Variants in CAST observed in about 807,000 individuals in gnomAD.
CAST encodes MIR583 host.
CAST carries 76 observed loss-of-function variants against 119.6 expected under a neutral mutation model. The observed-to-expected ratio is 0.64, with a 90% CI of 0.53 to 0.77. CAST has a LOEUF of 0.77. CAST is among the 30% of genes least tolerant of loss of function. The probability of loss-of-function intolerance (pLI) is 0.00; values close to 1 mark genes in which losing one functional copy is unlikely to be tolerated. For synonymous variants in CAST, 319 were observed against 331.6 expected (o/e 0.96, Z 0.41); for missense variants, 953 against 946.5 (o/e 1.01, Z -0.09).
intron 9 of CAST, among the ~76,000 whole-genome samples, chr5:96,733,727 A>T (rs1761055712): frequency 6.6e-6 from 1 of 152,200 alleles, no homozygotes; most frequent in Non-Finnish European, 1.5e-5. Context: ...AAAATAAAAA[A>T]TTAGCTGGGC....
intron 1 of CAST, among the ~76,000 whole-genome samples, chr5:96,649,892 C>T (rs768539767): frequency 3.9e-5 from 6 of 152,152 alleles, no homozygotes; most frequent in South Asian, 2.1e-4. Flanking sequence ...ACTGTAATGA[C>T]GGTAACACAA....
rs1746371485 is a variant in CAST, at chr5:96,561,796, G to GTTTTTTTTGT, written c.60+31924_60+31925insGTTTTTTTTT. ...GTGTATTATATATATGTTTTTTTTT[G>GTTTTTTTTGT]TTTTTTTTTTTTTTGAGACGGAGTC... On this transcript the variant is annotated intron_variant, in intron 1 of 11. Transcript: ENST00000505143. 1.8e-3 allele frequency among the ~76,000 whole-genome samples: 177 copies of GTTTTTTTTGT among 97,402 alleles called. 17 individuals are homozygous for GTTTTTTTTGT. The highest frequency in any genetic ancestry group is 6.0e-3 in the African/African-American group (157 of 26,030). 63.9% of individuals were successfully genotyped at this position (97,402 alleles called of 152,430 possible).
chr5:96,444,556 ATGCCAAAAT>A, the CAST span, among the ~76,000 whole-genome samples: 77 of 151,746 alleles, frequency 5.1e-4, no homozygotes, highest in African/African-American at 1.8e-3. Flanking sequence ...TTTTTTCTTT[ATGCCAAAAT>A]TTCTGAAAAT....
chr5:96,412,348 G>A, the CAST span: 2 of 1,614,072 alleles, frequency 1.2e-6, no homozygotes, highest in Non-Finnish European at 1.7e-6. Context: ...AAGCCTTCTG[G>A]GCTAGCCGGC....
rs5869724 is a variant in CAST, at chr5:96,533,024, CAA to C, written c.60+3156_60+3157del. On this transcript the variant is annotated intron_variant, in intron 1 of 11. Coordinates refer to the CAST transcript ENST00000505143. ...TGGGTGACAGAGGGAGACCTGGTCT[CAA>C]AAAAAAAAAAATAAAAATAAAAATA... Among the ~76,000 whole-genome samples the C allele has an allele frequency of 2.6e-3, 334 of 129,770 alleles. 1 individual carries two copies. Among genetic ancestry groups the C allele is most frequent in the Non-Finnish European group, 3.2e-3 (187 of 59,176 alleles). 85.1% of individuals were successfully genotyped at this position (129,770 alleles called of 152,430 possible). A position where few individuals can be genotyped will look rare whatever the true frequency, so the allele number is the denominator to read the frequency against.
chr5:96,662,460 G>A lies in CAST; in HGVS notation c.38G>A (p.Arg13Gln), dbSNP rs921224034. 7.0e-7 allele frequency: 1 copy of A among 1,435,650 alleles called. No homozygotes were observed. The highest frequency in any genetic ancestry group is 3.0e-5 in the East Asian group (1 of 32,974). 88.9% of individuals were successfully genotyped at this position (1,435,650 alleles called of 1,614,324 possible). A position where few individuals can be genotyped will look rare whatever the true frequency, so the allele number is the denominator to read the frequency against. Residue 13 changes from arginine to glutamine, a missense_variant, in exon 1 of 32, where the codon CGG becomes CAG. Physicochemically the swap from Arg to Gln is conservative, Grantham distance 43 (BLOSUM62 1). Coordinates refer to ENST00000675179, the MANE Select transcript of CAST (RefSeq NM_001750.7). ...GGCCAGAAGCCCGCCGCCTCCCCGC[G>A]GCCCCGGCGAGCAGCCGCCGCCCGC... is the stretch of plus-strand genomic sequence containing the variant. ...QPGQKPAASP[R>Q]PRRAAAARRT...
chr5:96,273,413 A>T, the CAST span, among the ~76,000 whole-genome samples: 2 of 152,340 alleles, frequency 1.3e-5, no homozygotes, highest in East Asian at 3.9e-4. Flanking sequence ...AGCAGGAGTC[A>T]GAGAAATAGA....
chr5:96,234,061 CA>C, the CAST span, among the ~76,000 whole-genome samples: 1 of 152,060 alleles, frequency 6.6e-6, no homozygotes, highest in African/African-American at 2.4e-5. Flanking sequence ...TGGGCACACA[CA>C]AACAAAGAAG....
At chr5:96,394,835 G>A in the CAST span, 1 of 1,610,450 alleles carries the variant, frequency 6.2e-7, no homozygotes, top group African/African-American at 1.3e-5. Context: ...GTTCAAAAGA[G>A]AGCATGCCAA....
the CAST span, among the ~76,000 whole-genome samples, chr5:95,984,921 C>A: frequency 7.2e-5 from 11 of 151,870 alleles, no homozygotes; most frequent in Admixed American, 1.3e-4. Context: ...AATATTAATG[C>A]TTTTATATTG....
At chr5:96,672,541 T>C (rs1750203660) in intron 1 of CAST, among the ~76,000 whole-genome samples, 1 of 151,970 alleles carries the variant, frequency 6.6e-6, no homozygotes, top group African/African-American at 2.4e-5. Flanking sequence ...ACCCCATCTC[T>C]ACTAAAAGTA....
the CAST span, among the ~76,000 whole-genome samples, chr5:96,250,688 C>T: frequency 1.3e-5 from 2 of 151,932 alleles, no homozygotes; most frequent in African/African-American, 2.4e-5. Context: ...AAAGGGCAGA[C>T]TAGATATAAG....
At chr5:96,545,040 CA>C (rs1311278894) in intron 1 of CAST, among the ~76,000 whole-genome samples, 1 of 152,118 alleles carries the variant, frequency 6.6e-6, no homozygotes, top group Non-Finnish European at 1.5e-5. Flanking sequence ...ATAAAGAGGT[CA>C]ATTCTCCAAG....
chr5:96,637,165 TA>T (rs1747898359), intron 1 of CAST, among the ~76,000 whole-genome samples: 1 of 152,260 alleles, frequency 6.6e-6, no homozygotes, highest in African/African-American at 2.4e-5. Context: ...GTTCTGTTGC[TA>T]ATGTAATTTT....
At chr5:96,769,988 C>G (rs1313124307) in intron 29 of CAST, 1 of 152,260 alleles carries the variant, frequency 6.6e-6, no homozygotes, top group East Asian at 1.9e-4. Flanking sequence ...CTAGGTTGTT[C>G]CATATCTTGG....
the CAST span, among the ~76,000 whole-genome samples, chr5:96,382,808 C>A: frequency 1.3e-5 from 2 of 152,146 alleles, no homozygotes. Flanking sequence ...TCCAGTGACA[C>A]CCAGGTAGCT....
At chr5:95,990,186 G>A in the CAST span, among the ~76,000 whole-genome samples, 1 of 151,920 alleles carries the variant, frequency 6.6e-6, no homozygotes, top group Non-Finnish European at 1.5e-5. Flanking sequence ...GTTCCCTTAA[G>A]CCTAGAAATG....
the CAST span, among the ~76,000 whole-genome samples, chr5:96,168,766 C>A: frequency 5.3e-5 from 8 of 151,720 alleles, no homozygotes; most frequent in Non-Finnish European, 8.8e-5. Context: ...GTGTGAGGCT[C>A]GATTAAAGTC....
At chr5:96,238,341 T>TTCA in the CAST span, among the ~76,000 whole-genome samples, 345 of 123,692 alleles carry the variant, frequency 2.8e-3, 4 homozygotes, top group East Asian at 0.029. Context: ...CTTCTTCTTC[T>TTCA]TCTTCATCTT....
Sources: gnomAD v4.1 joint callset for allele counts (sites outside exome capture counted in the v4.1 genomes callset) on GRCh38, gnomAD v4.1.1 for gene constraint, MANE v1.5 for transcripts, NCBI Gene and HGNC (gene_info 2026-07-23, HGNC 2026-07-21) for gene names.